The following RBL1 variants were observed in gnomAD, a reference collection of about 807,000 sequenced individuals.
RBL1 encodes RB transcriptional corepressor like 1, also known as retinoblastoma-like protein 1.
RBL1 carries 82 observed loss-of-function variants against 123.0 expected under a neutral mutation model. The ratio of observed to expected loss-of-function variants is 0.67; its 90% CI spans 0.56 to 0.80. The LOEUF (loss-of-function observed/expected upper bound fraction) is 0.80. Ranked by LOEUF, RBL1 falls within the 30% of genes least tolerant of loss-of-function variation. The probability of loss-of-function intolerance (pLI) is 0.00; values close to 1 mark genes in which losing one functional copy is unlikely to be tolerated. For missense variants in RBL1, 1,171 were observed against 1,299.6 expected (o/e 0.90, Z 1.52); for synonymous variants, 405 against 441.3 (o/e 0.92, Z 1.03).
intron 2 of RBL1, among the ~76,000 whole-genome samples, chr20:37,071,655 T>C (rs568860006): frequency 6.6e-6 from 1 of 151,882 alleles, no homozygotes; most frequent in Non-Finnish European, 1.5e-5. Flanking sequence ...CTCAAAAAAA[T>C]AAAAAAGAAA....
chr20:37,056,208 A>G lies in RBL1; in HGVS notation c.1301T>C (p.Ile434Thr), dbSNP rs2065002923. 1 of 1,611,018 alleles carries G rather than the reference A, an allele frequency of 6.2e-7. No homozygotes were observed. The highest frequency in any genetic ancestry group is 8.5e-7 in the Non-Finnish European group (1 of 1,179,724). The change falls in exon 10 of 22, where the codon ATA (isoleucine) becomes ACA (threonine). Residue 434 changes from isoleucine to threonine, a missense_variant. Coordinates refer to ENST00000373664, the MANE Select transcript of RBL1 (RefSeq NM_002895.5). ...VENIMKILKG[I>T]GETFCQHYTQ... ...ATAGTGTTGACAGAAAGTCTCTCCTATTCCTTTTAGTATTTTCATAATGTT... is the reference window on the plus strand; with the variant it reads ...ATAGTGTTGACAGAAAGTCTCTCCTGTTCCTTTTAGTATTTTCATAATGTT...
intron 17 of RBL1, among the ~76,000 whole-genome samples, chr20:37,022,382 A>G (rs530584506): frequency 6.6e-6 from 1 of 152,322 alleles, no homozygotes; most frequent in East Asian, 1.9e-4. Flanking sequence ...GCTGAGGTAC[A>G]GTGTCATGAT....
chr20:37,016,033 T>C (rs1426034751), intron 19 of RBL1, among the ~76,000 whole-genome samples: 1 of 148,134 alleles, frequency 6.8e-6, no homozygotes. Context: ...TTTTTTTTTT[T>C]TTTTTTTTTC....
chr20:37,061,018 A>T (rs1454906899), intron 9 of RBL1, 85 bp downstream of exon 9: 2 of 1,351,178 alleles, frequency 1.5e-6, no homozygotes, highest in Non-Finnish European at 9.8e-7. Context: ...CACTATCTTG[A>T]GAATTCTGAA....
chr20:37,059,033 G>A (rs1368380979), intron 9 of RBL1, among the ~76,000 whole-genome samples: 2 of 151,954 alleles, frequency 1.3e-5, no homozygotes, highest in African/African-American at 4.8e-5. Context: ...AACACCCAGC[G>A]TTTCCATTTA....
At chr20:37,041,300 A>AT (rs1461238245) in intron 13 of RBL1, among the ~76,000 whole-genome samples, 1 of 152,160 alleles carries the variant, frequency 6.6e-6, no homozygotes, top group Non-Finnish European at 1.5e-5. Context: ...CTGGGCACAC[A>AT]TTTTTAATTT....
At chr20:37,079,775 A>T (rs2065420256) in intron 2 of RBL1, among the ~76,000 whole-genome samples, 1 of 152,192 alleles carries the variant, frequency 6.6e-6, no homozygotes, top group African/African-American at 2.4e-5. Flanking sequence ...GGCATGAGCC[A>T]CCACGCCCAG....
intron 11 of RBL1, among the ~76,000 whole-genome samples, chr20:37,048,737 A>C (rs1427357340): frequency 6.6e-6 from 1 of 152,018 alleles, no homozygotes; most frequent in Non-Finnish European, 1.5e-5. Flanking sequence ...CTGACATTTG[A>C]GGAAAACCTC....
chr20:37,014,205 G>A (rs1431240357), intron 19 of RBL1, among the ~76,000 whole-genome samples: 3 of 151,510 alleles, frequency 2.0e-5, no homozygotes, highest in Non-Finnish European at 4.4e-5. Context: ...AGCCTCCTGA[G>A]TAGCTTGGAC....
chr20:37,069,210 T>TG (rs1419201758), intron 2 of RBL1, among the ~76,000 whole-genome samples: 1 of 152,202 alleles, frequency 6.6e-6, no homozygotes, highest in Non-Finnish European at 1.5e-5. Context: ...CCCAGCCGCC[T>TG]GCCTTGGCCT....
intron 19 of RBL1, among the ~76,000 whole-genome samples, chr20:37,011,997 C>T (rs1026576031): frequency 6.6e-6 from 1 of 152,224 alleles, no homozygotes; most frequent in Non-Finnish European, 1.5e-5. Context: ...CCAGTGCCTG[C>T]GATTGCAGGC....
chr20:37,011,953 C>A (rs2064155714), intron 19 of RBL1, among the ~76,000 whole-genome samples: 4 of 152,252 alleles, frequency 2.6e-5, no homozygotes, highest in Non-Finnish European at 5.9e-5. Flanking sequence ...CTGCTGCCAT[C>A]TCGGCTCACT....
intron 9 of RBL1, among the ~76,000 whole-genome samples, chr20:37,058,152 AGC>A: frequency 2.7e-5 from 4 of 149,210 alleles, no homozygotes; most frequent in Admixed American, 1.3e-4. Context: ...AAAAAAAAAA[AGC>A]CTATTCCAGG....
At chr20:37,058,764 CT>C (rs554281406) in intron 9 of RBL1, among the ~76,000 whole-genome samples, 161 of 142,452 alleles carry the variant, frequency 1.1e-3, no homozygotes, top group Admixed American at 1.1e-3. Context: ...GATGTCTTTC[CT>C]TTTTTTTTTT....
At position 37,031,672 on chromosome 20, in the gene RBL1, T is replaced by G. The variant is rs79702261; in HGVS notation, c.2382+993A>C. On this transcript the variant is annotated intron_variant, in intron 16 of 21. Transcript: ENST00000373664. Reference sequence around the variant, plus strand: ...GTTCCTCAGAAAATGAAATACTAAATTACTCTCCCATTTCTGGGAATATAC... The same window carrying G: ...GTTCCTCAGAAAATGAAATACTAAAGTACTCTCCCATTTCTGGGAATATAC... 6.0e-3 allele frequency among the ~76,000 whole-genome samples: 911 copies of G among 152,286 alleles called. 10 individuals carry two copies. Among genetic ancestry groups the G allele is most frequent in the African/African-American group, 0.021 (870 of 41,560 alleles).
intron 20 of RBL1, among the ~76,000 whole-genome samples, chr20:37,006,981 T>A (rs2064084622): frequency 6.6e-6 from 1 of 151,960 alleles, no homozygotes; most frequent in African/African-American, 2.4e-5. Flanking sequence ...GCGTGGTGGT[T>A]CACACCTGTG....
At chr20:37,052,477 G>A (rs572447383) in intron 11 of RBL1, among the ~76,000 whole-genome samples, 5 of 151,916 alleles carry the variant, frequency 3.3e-5, no homozygotes, top group East Asian at 3.9e-4. Context: ...GATTGCAGGC[G>A]CCTGCCACCA....
At chr20:37,057,337 A>G (rs1037164627) in intron 9 of RBL1, among the ~76,000 whole-genome samples, 2 of 152,096 alleles carry the variant, frequency 1.3e-5, no homozygotes, top group Non-Finnish European at 2.9e-5. Flanking sequence ...AAGGGTCCCA[A>G]TTTTTACACA....
intron 21 of RBL1, among the ~76,000 whole-genome samples, chr20:37,001,083 AG>A (rs2063970100): frequency 1.4e-5 from 2 of 142,462 alleles, no homozygotes; most frequent in African/African-American, 2.6e-5. Flanking sequence ...CGGGGAGGTC[AG>A]CCCCCCGCCT....
Sources: gnomAD v4.1 joint callset for allele counts (sites outside exome capture counted in the v4.1 genomes callset) on GRCh38, gnomAD v4.1.1 for gene constraint, MANE v1.5 for transcripts, NCBI Gene and HGNC (gene_info 2026-07-23, HGNC 2026-07-21) for gene names.